The following KANK1 variants were observed in gnomAD, a reference collection of about 807,000 sequenced individuals.
KANK1 encodes the protein KN motif and ankyrin repeat domains 1, also known as KN motif and ankyrin repeat domain-containing protein 1.
KANK1 carries 109 observed loss-of-function variants against 106.2 expected under a neutral mutation model. The ratio of observed to expected loss-of-function variants is 1.03; its 90% CI spans 0.88 to 1.20. The LOEUF (loss-of-function observed/expected upper bound fraction) is 1.20. Among genes scored for constraint, KANK1 ranks in the 50% most tolerant of loss-of-function variants. The probability of loss-of-function intolerance (pLI) is 0.00; values close to 1 mark genes in which losing one functional copy is unlikely to be tolerated. For synonymous variants in KANK1, 873 were observed against 652.2 expected (o/e 1.34, Z -5.16); for missense variants, 2,399 against 1,710.7 (o/e 1.40, Z -7.10).
upstream of KANK1, chr9:504,546 G>A (rs143333759): frequency 0.16 from 23,821 of 151,514 alleles, 3,827 homozygotes; most frequent in African/African-American, 0.42. Flanking sequence ...GCCGCTCCGG[G>A]GCGCAGCCAC....
At chr9:739,053 AG>A (rs1423802223) in intron 8 of KANK1, among the ~76,000 whole-genome samples, 2 of 152,200 alleles carry the variant, frequency 1.3e-5, no homozygotes, top group African/African-American at 4.8e-5. Flanking sequence ...CATAGAGCAA[AG>A]GGCATGTTAT....
chr9:569,707 C>T (rs1041737478), intron 1 of KANK1, among the ~76,000 whole-genome samples: 1 of 152,188 alleles, frequency 6.6e-6, no homozygotes, highest in African/African-American at 2.4e-5. Context: ...TCTAGACTTA[C>T]CAGAAGTTTA....
rs947876870 is a variant in KANK1, at chr9:599,623, G to T, written c.-83-77267G>T. ...CATCATACTGATATGCTACGTAGCT[G>T]ACCCTTGAACATCATGGGTCCACTT... On this transcript the variant is annotated intron_variant, in intron 1 of 11. Coordinates refer to ENST00000382297, the MANE Select transcript of KANK1 (RefSeq NM_015158.5). Among the ~76,000 whole-genome samples, 8 of 151,784 alleles carry T rather than the reference G, an allele frequency of 5.3e-5. No individual in the cohort carries two copies. The East Asian group carries it at 1.5e-3, about 29-fold the overall frequency.
intron 6 of KANK1, chr9:733,832 G>T (rs977180132): frequency 6.6e-6 from 1 of 152,060 alleles, no homozygotes; most frequent in Non-Finnish European, 1.5e-5. Flanking sequence ...CTTAGAACAG[G>T]TTGGGCACAG....
intron 10 of KANK1, among the ~76,000 whole-genome samples, chr9:743,381 T>C (rs528261118): frequency 1.3e-5 from 2 of 152,360 alleles, no homozygotes; most frequent in South Asian, 2.1e-4. Flanking sequence ...CAGATTCCCT[T>C]CTTCCCCTCT....
In KANK1 at chr9:738,370, T is replaced by C; in HGVS notation, c.3419T>C (p.Ile1140Thr). ...ATTCCAGCCATGGTGGGGGACTACA[T>C]AGCTGCTTTTGAGGCCATTTCCCCA... ...SAIPAMVGDY[I>T]AAFEAISPDV... Residue 1140 changes from isoleucine (I) to threonine (T), a missense_variant, in exon 8 of 12, where the codon ATA (isoleucine) becomes ACA (threonine). By Grantham distance (89) the Ile-to-Thr change is moderately conservative (BLOSUM62 -1). Transcript: ENST00000382297. 1 of 1,614,180 alleles carries C rather than the reference T, an allele frequency of 6.2e-7. No individual in the cohort carries two copies. The highest frequency in any genetic ancestry group is 1.1e-5 in the South Asian group (1 of 91,080).
intron 1 of KANK1, among the ~76,000 whole-genome samples, chr9:506,601 A>G (rs565652595): frequency 6.6e-6 from 1 of 152,180 alleles, no homozygotes; most frequent in Non-Finnish European, 1.5e-5. Context: ...GACTAGGCTT[A>G]AAAGTAATTT....
chr9:685,789 T>C (rs569557327), intron 2 of KANK1, among the ~76,000 whole-genome samples: 4 of 152,346 alleles, frequency 2.6e-5, no homozygotes, highest in African/African-American at 9.6e-5. Context: ...AATCAAAAGA[T>C]AGCTGTGTGG....
At chr9:610,568 G>T (rs1303446051) in intron 1 of KANK1, among the ~76,000 whole-genome samples, 1 of 152,186 alleles carries the variant, frequency 6.6e-6, no homozygotes, top group Non-Finnish European at 1.5e-5. Flanking sequence ...ACCCTCTGCT[G>T]CGTCAGGTAA....
intron 1 of KANK1, among the ~76,000 whole-genome samples, chr9:509,482 G>A (rs1247000350): frequency 6.6e-6 from 1 of 152,176 alleles, no homozygotes; most frequent in Non-Finnish European, 1.5e-5. Flanking sequence ...TTTTTATGAA[G>A]TCACAATTCT....
At chr9:533,863 C>G (rs997760952) in intron 1 of KANK1, among the ~76,000 whole-genome samples, 6 of 152,182 alleles carry the variant, frequency 3.9e-5, no homozygotes, top group African/African-American at 1.4e-4. Flanking sequence ...TAAGCCATGC[C>G]TCCCCTTTTC....
At chr9:560,008 C>G (rs569708576) in intron 1 of KANK1, among the ~76,000 whole-genome samples, 1 of 152,132 alleles carries the variant, frequency 6.6e-6, no homozygotes, top group South Asian at 2.1e-4. Context: ...CCATCTGACT[C>G]CATGTTTTCT....
In KANK1 at chr9:673,200, CTTTTTTTTTTTTT is replaced by C. The variant is rs542647158; in HGVS notation, c.-83-3676_-83-3664del. 2.5e-4 allele frequency among the ~76,000 whole-genome samples: 24 copies of C among 97,834 alleles called. 1 individual carries two copies. Among genetic ancestry groups the C allele is most frequent in the Admixed American group, 4.3e-4 (4 of 9,408 alleles). 64.2% of individuals were successfully genotyped at this position (97,834 alleles called of 152,430 possible). On this transcript the variant is annotated intron_variant, in intron 1 of 11. Coordinates refer to ENST00000382297, the MANE Select transcript of KANK1 (RefSeq NM_015158.5). ...GATTCACACCCAGTGACAGTGTCTT[CTTTTTTTTTTTTT>C]TTTTTTTTTTTTTGAGACAGGGTCT...
chr9:616,929 G>C (rs1022287346), intron 1 of KANK1, among the ~76,000 whole-genome samples: 1 of 152,202 alleles, frequency 6.6e-6, no homozygotes, highest in Admixed American at 6.5e-5. Context: ...TGCCACACCC[G>C]AGTTGAGTGA....
At chr9:529,972 A>G (rs111248523) in intron 1 of KANK1, among the ~76,000 whole-genome samples, 2 of 152,316 alleles carry the variant, frequency 1.3e-5, no homozygotes, top group African/African-American at 4.8e-5. Flanking sequence ...AATCTTTACC[A>G]ATCTGTTAAG....
chr9:523,501 G>T (rs919276505), intron 1 of KANK1, among the ~76,000 whole-genome samples: 3 of 151,744 alleles, frequency 2.0e-5, no homozygotes, highest in Non-Finnish European at 4.4e-5. Context: ...TCACATTGTG[G>T]CACTGCGTAG....
intron 1 of KANK1, among the ~76,000 whole-genome samples, chr9:525,387 T>G (rs1004559482): frequency 3.1e-4 from 35 of 112,842 alleles, no homozygotes; most frequent in African/African-American, 4.1e-4. Context: ...GTGTGTGTAT[T>G]TATTTGAGAC....
chr9:611,258 T>C (rs913937173), intron 1 of KANK1, among the ~76,000 whole-genome samples: 1 of 152,158 alleles, frequency 6.6e-6, no homozygotes. Flanking sequence ...AAGAATCTTT[T>C]AGTAAGTCAC....
intron 1 of KANK1, among the ~76,000 whole-genome samples, chr9:592,519 A>G (rs1461991788): frequency 6.6e-6 from 1 of 151,752 alleles, no homozygotes; most frequent in Non-Finnish European, 1.5e-5. Flanking sequence ...ACCTGTGTCT[A>G]AGTACGTTTT....
Sources: allele counts gnomAD v4.1 joint callset (sites outside exome capture counted in the v4.1 genomes callset), GRCh38; gene constraint gnomAD v4.1.1; transcripts MANE v1.5; gene names NCBI Gene and HGNC (gene_info 2026-07-23, HGNC 2026-07-21).